PLAAT3: variants seen among roughly 807,000 people sequenced by gnomAD.
The protein encoded by PLAAT3 is phospholipase A and acyltransferase 3.
Under a neutral mutation model 16.7 loss-of-function variants are expected in PLAAT3, and 21 were observed. The observed-to-expected ratio is 1.26, with a 90% CI of 0.89 to 1.81. The LOEUF (loss-of-function observed/expected upper bound fraction) is 1.81. Among genes scored for constraint, PLAAT3 ranks in the 40% most tolerant of loss-of-function variants. The pLI, the probability that PLAAT3 is intolerant of heterozygous loss-of-function variation, is 0.00. For synonymous variants in PLAAT3, 76 were observed against 81.7 expected, an observed-to-expected ratio of 0.93 and a Z score of 0.38; for missense variants, 219 against 213.7, an observed-to-expected ratio of 1.02 and a Z score of -0.16.
rs768835113 is a variant in PLAAT3, at chr11:63,574,958, C to T, written c.476G>A (p.Arg159Gln). Reference sequence around the variant, plus strand: ...AGTCTTTTTCAGTTATTGCTTTTGTCGCTTGTTTCTTGAGAACATGACTCC... The same window carrying T: ...AGTCTTTTTCAGTTATTGCTTTTGTTGCTTGTTTCTTGAGAACATGACTCC... ...LIGVMFSRNK[R>Q]QKQ The change falls in exon 5 of 5, where the codon CGA (arginine) becomes CAA (glutamine). Residue 159 changes from arginine to glutamine, a missense_variant. Coordinates refer to ENST00000415826, the MANE Select transcript of PLAAT3 (RefSeq NM_001128203.2). 23 of 1,604,864 alleles carry T rather than the reference C, an allele frequency of 1.4e-5. No homozygotes were observed. Among genetic ancestry groups the T allele is most frequent in the African/African-American group, 2.7e-5 (2 of 74,782 alleles).
upstream of PLAAT3, among the ~76,000 whole-genome samples, chr11:63,615,034 A>ATATATATATATATATATATATG (rs1490480530): frequency 0.016 from 435 of 28,012 alleles, 46 homozygotes; most frequent in East Asian, 0.041. Flanking sequence ...ATATGTGTGT[A>ATATATATATATATATATATATG]TATATATGTA....
chr11:63,610,356 T>C (rs17158439), intron 2 of PLAAT3, among the ~76,000 whole-genome samples: 4,512 of 152,302 alleles, frequency 0.03, 207 homozygotes, highest in African/African-American at 0.1. Flanking sequence ...TATTGGATGA[T>C]TCATTGTTAA....
rs557683074 is a variant in PLAAT3 at position 63,607,499 on chromosome 11, T to A, written c.15+6501A>T. 7.9e-5 allele frequency among the ~76,000 whole-genome samples: 12 copies of A among 151,630 alleles called. No individual in the cohort carries two copies. The East Asian group carries it at 1.4e-3, about 17-fold the overall frequency. ...AACATGTGAGACCCCATCTCTAAAA[T>A]TTAAAAAATAATAATAATAATAATA... On this transcript the variant is annotated intron_variant, in intron 2 of 4. Coordinates refer to ENST00000415826, the MANE Select transcript of PLAAT3 (RefSeq NM_001128203.2).
chr11:63,590,892 C>T (rs111999293), intron 3 of PLAAT3, among the ~76,000 whole-genome samples: 2,663 of 152,194 alleles, frequency 0.017, 93 homozygotes, highest in African/African-American at 0.061. Context: ...GGGCACAGCC[C>T]AGGCCAAGGC....
At chr11:63,607,009 G>T (rs550105416) in intron 2 of PLAAT3, among the ~76,000 whole-genome samples, 1 of 152,156 alleles carries the variant, frequency 6.6e-6, no homozygotes, top group Non-Finnish European at 1.5e-5. Flanking sequence ...AGCCTGCTAG[G>T]AGGCAACTGC....
intron 3 of PLAAT3, among the ~76,000 whole-genome samples, chr11:63,593,549 T>C (rs922603963): frequency 2.0e-5 from 3 of 152,090 alleles, no homozygotes; most frequent in Admixed American, 2.0e-4. Context: ...GTGTAGACTT[T>C]GATGCTTTGT....
At chr11:63,612,382 G>C (rs1485652711) in intron 2 of PLAAT3, among the ~76,000 whole-genome samples, 1 of 152,102 alleles carries the variant, frequency 6.6e-6, no homozygotes, top group Non-Finnish European at 1.5e-5. Flanking sequence ...AAAAGATTTA[G>C]GCAGTATTGC....
At chr11:63,578,943 G>C (rs1343229301) in intron 4 of PLAAT3, among the ~76,000 whole-genome samples, 1 of 152,054 alleles carries the variant, frequency 6.6e-6, no homozygotes, top group East Asian at 1.9e-4. Flanking sequence ...GCAACCTACA[G>C]AATGGGAGAA....
chr11:63,588,185 T>C (rs983211393), intron 4 of PLAAT3, among the ~76,000 whole-genome samples: 1 of 152,166 alleles, frequency 6.6e-6, no homozygotes, highest in African/African-American at 2.4e-5. Context: ...TTCTCTTGCC[T>C]CAGCCTCCTG....
At chr11:63,604,126 T>C (rs1324752521) in intron 2 of PLAAT3, among the ~76,000 whole-genome samples, 1 of 152,220 alleles carries the variant, frequency 6.6e-6, no homozygotes, top group East Asian at 1.9e-4. Context: ...CACTCCAGCC[T>C]TTTTCAATAA....
At chr11:63,591,483 C>T (rs1339939625) in intron 3 of PLAAT3, among the ~76,000 whole-genome samples, 1 of 152,214 alleles carries the variant, frequency 6.6e-6, no homozygotes, top group Non-Finnish European at 1.5e-5. Context: ...CCTCAAACAG[C>T]CACTGTGACC....
intron 2 of PLAAT3, among the ~76,000 whole-genome samples, chr11:63,610,393 A>G (rs911590939): frequency 1.3e-5 from 2 of 152,174 alleles, no homozygotes; most frequent in African/African-American, 2.4e-5. Context: ...GAAGCGATCA[A>G]TTTCCTTGCC....
At chr11:63,613,874 C>G in intron 2 of PLAAT3, 126 bp downstream of exon 2, 1 of 668,568 alleles carries the variant, frequency 1.5e-6, no homozygotes, top group Non-Finnish European at 2.7e-6. Flanking sequence ...TCGCAGCTGA[C>G]AGAGGTGCGG....
chr11:63,616,609 A>G (rs914941312), upstream of PLAAT3: 6 of 152,122 alleles, frequency 3.9e-5, no homozygotes, highest in East Asian at 1.9e-4. Context: ...AATTCGGTGT[A>G]GAAGTAACTG....
chr11:63,589,617 G>T (rs1382776917), intron 4 of PLAAT3, among the ~76,000 whole-genome samples: 1 of 152,154 alleles, frequency 6.6e-6, no homozygotes, highest in African/African-American at 2.4e-5. Flanking sequence ...GCACGATCAG[G>T]CTATGCCACA....
Position 63,590,044 on chromosome 11 carries a change from G to A in PLAAT3, c.387+56C>T, listed in dbSNP as rs538163199. 2.4e-4 allele frequency: 381 copies of A among 1,560,478 alleles called. 2 individuals carry two copies. The Admixed American group carries it at 3.7e-3, about 15-fold the overall frequency. Reference sequence around the variant, plus strand: ...GCCTCCATAGCCATGCCCAGCCTCCGTCAGCAGAGGGAATGGTCTGGTTCC... The same window carrying A: ...GCCTCCATAGCCATGCCCAGCCTCCATCAGCAGAGGGAATGGTCTGGTTCC... On this transcript the variant is annotated intron_variant, in intron 4 of 4. Transcript: ENST00000415826.
intron 2 of PLAAT3, among the ~76,000 whole-genome samples, chr11:63,604,098 G>A (rs1938499198): frequency 6.6e-6 from 1 of 152,184 alleles, no homozygotes; most frequent in Admixed American, 6.5e-5. Context: ...GTTGCAGTGA[G>A]CTGAGATCAC....
rs1366337625 is a variant in PLAAT3 at position 63,587,416 on chromosome 11, C to T, written c.387+2684G>A. Among the ~76,000 whole-genome samples the T allele has an allele frequency of 2.0e-5, 3 of 151,792 alleles. No individual in the cohort carries two copies. The East Asian group carries it at 5.8e-4, about 29-fold the overall frequency. On this transcript the variant is annotated intron_variant, in intron 4 of 4. Transcript: ENST00000415826. ...AAAGCTAGATGACAATAAACCAATGCCTTCAAAATTCTGAAAAAAAAAATA... is the reference window on the plus strand; with the variant it reads ...AAAGCTAGATGACAATAAACCAATGTCTTCAAAATTCTGAAAAAAAAAATA...
chr11:63,603,928 G>A (rs978348292), intron 2 of PLAAT3, among the ~76,000 whole-genome samples: 26 of 152,182 alleles, frequency 1.7e-4, no homozygotes, highest in Non-Finnish European at 2.2e-4. Context: ...AAGGTGGGTG[G>A]ATCACTTGGG....
Sources: gnomAD v4.1 joint callset for allele counts (sites outside exome capture counted in the v4.1 genomes callset) on GRCh38, gnomAD v4.1.1 for gene constraint, MANE v1.5 for transcripts, NCBI Gene and HGNC (gene_info 2026-07-23, HGNC 2026-07-21) for gene names.